The following ANAPC5 variants were observed in gnomAD, a reference collection of about 807,000 sequenced individuals.
ANAPC5 encodes anaphase promoting complex subunit 5, also known as anaphase-promoting complex subunit 5.
A neutral mutation model predicts 91.3 loss-of-function variants in ANAPC5; 60 were observed. The ratio of observed to expected loss-of-function variants is 0.66; its 90% CI spans 0.53 to 0.81. ANAPC5 has a LOEUF of 0.81. Among genes scored for constraint, ANAPC5 ranks in the 40% least tolerant of loss-of-function variants. ANAPC5 has a pLI of 0.00. For synonymous variants in ANAPC5, 340 were observed against 364.1 expected (o/e 0.93, Z 0.75); for missense variants, 690 against 931.5 (o/e 0.74, Z 3.37).
At chr12:121,340,360 A>G (rs1903400340) in intron 5 of ANAPC5, among the ~76,000 whole-genome samples, 1 of 151,396 alleles carries the variant, frequency 6.6e-6, no homozygotes, top group Non-Finnish European at 1.5e-5. Context: ...ATTCTAGCCT[A>G]ATTATCTAAC....
intron 15 of ANAPC5, chr12:121,310,482 G>A (rs1902119147): frequency 6.6e-6 from 1 of 152,318 alleles, no homozygotes; most frequent in Non-Finnish European, 1.5e-5. Context: ...AGAATCACTT[G>A]AGCCCAGGAG....
At chr12:121,338,950 CATTAT>C (rs1324695111) in intron 5 of ANAPC5, among the ~76,000 whole-genome samples, 2 of 151,236 alleles carry the variant, frequency 1.3e-5, no homozygotes, top group African/African-American at 2.4e-5. Context: ...TGTATATACA[CATTAT>C]ATTTTTAACA....
Position 121,318,593 on chromosome 12 carries a change from T to C in ANAPC5, c.1653A>G (p.Leu551=). ...CCTCTGACATTTGGTTCTGAGCTTG[T>C]AATACAACCGCTTTCCTGAAACAGA... ...IEGVYRKAVV[L]QAQNQMSEAH... Residue 551 remains leucine (L), a synonymous_variant, in exon 14 of 17, where the codon TTA becomes TTG. Coordinates refer to ENST00000261819, the MANE Select transcript of ANAPC5 (RefSeq NM_016237.5). 1 of 1,614,052 alleles carries C rather than the reference T, an allele frequency of 6.2e-7. No individual in the cohort carries two copies. The highest frequency in any genetic ancestry group is 8.5e-7 in the Non-Finnish European group (1 of 1,179,918).
intron 11 of ANAPC5, 145 bp from the exon 12 acceptor site, chr12:121,320,604 T>C (rs1019564324): frequency 2.0e-5 from 12 of 588,394 alleles, no homozygotes; most frequent in African/African-American, 1.1e-4. Flanking sequence ...AAATTTCTTT[T>C]CTTTCTTTTT....
At chr12:121,340,722 T>G (rs782339756) in intron 5 of ANAPC5, among the ~76,000 whole-genome samples, 4 of 82,430 alleles carry the variant, frequency 4.9e-5, no homozygotes, top group Non-Finnish European at 1.5e-4. Flanking sequence ...CCGGCTAATT[T>G]TTGTGTGTGT....
At chr12:121,330,489 TA>T in intron 9 of ANAPC5, 93 bp downstream of exon 9, 1 of 1,006,278 alleles carries the variant, frequency 9.9e-7, no homozygotes, top group Non-Finnish European at 1.5e-6. Flanking sequence ...AAACCCATTC[TA>T]AATCTATCGC....
intron 15 of ANAPC5, among the ~76,000 whole-genome samples, chr12:121,315,051 G>A (rs188589078): frequency 3.8e-4 from 58 of 152,000 alleles, no homozygotes; most frequent in African/African-American, 1.0e-3. Context: ...ATTTGCAGAT[G>A]ACATGATCTT....
chr12:121,322,688 T>A (rs778163858), intron 11 of ANAPC5, among the ~76,000 whole-genome samples: 4 of 152,204 alleles, frequency 2.6e-5, no homozygotes, highest in Non-Finnish European at 5.9e-5. Context: ...TCTTGGTGCA[T>A]AGAGCTTTGC....
chr12:121,339,529 G>A (rs1555273854), intron 5 of ANAPC5, among the ~76,000 whole-genome samples: 1 of 152,150 alleles, frequency 6.6e-6, no homozygotes, highest in African/African-American at 2.4e-5. Flanking sequence ...GAAGTACAGT[G>A]GCGAAATCTT....
rs577823573 is a variant in ANAPC5 at position 121,342,837 on chromosome 12, G to A, written c.591-768C>T. 3.3e-5 allele frequency among the ~76,000 whole-genome samples: 5 copies of A among 152,172 alleles called. No individual in the cohort carries two copies. Among genetic ancestry groups the A allele is most frequent in the Middle Eastern group, 3.4e-3 (1 of 294 alleles). ...TCACGCCACTGCACTCCAGCCTGGC[G>A]GCAGAGCGAGACTTCATCTCAAAAA... On this transcript the variant is annotated intron_variant, in intron 4 of 16. Transcript: ENST00000261819. The surrounding 1 kb of genome is among the most constrained non-coding windows in gnomAD (Gnocchi z 4.1).
intron 8 of ANAPC5, 29 bp from the exon 9 acceptor site, chr12:121,330,701 A>G (rs1566188323): frequency 6.3e-7 from 1 of 1,581,866 alleles, no homozygotes. Flanking sequence ...AAAATATATC[A>G]TAACAGTGGC....
At chr12:121,318,710 C>G (rs911877448) in intron 13 of ANAPC5, 102 bp from the exon 14 acceptor site, 1 of 1,075,542 alleles carries the variant, frequency 9.3e-7, no homozygotes, top group Non-Finnish European at 1.4e-6. Context: ...AGGGAAAAAA[C>G]TGTGCCTGAT....
At chr12:121,327,004 A>G in intron 11 of ANAPC5, 92 bp downstream of exon 11, 1 of 1,469,524 alleles carries the variant, frequency 6.8e-7, no homozygotes, top group Non-Finnish European at 9.0e-7. Context: ...GAACTGTCCA[A>G]CACGTGTCCA....
At chr12:121,323,751 G>A (rs1902706855) in intron 11 of ANAPC5, among the ~76,000 whole-genome samples, 1 of 152,126 alleles carries the variant, frequency 6.6e-6, no homozygotes, top group East Asian at 1.9e-4. Flanking sequence ...TATTTGAAGT[G>A]AATAAGCAGA....
At chr12:121,329,747 C>T (rs1409988717) in intron 9 of ANAPC5, among the ~76,000 whole-genome samples, 1 of 151,986 alleles carries the variant, frequency 6.6e-6, no homozygotes, top group Non-Finnish European at 1.5e-5. Context: ...TCCTAAGTAG[C>T]TGGGATCACA....
chr12:121,336,451 G>A (rs1389280103), intron 6 of ANAPC5, among the ~76,000 whole-genome samples: 1 of 152,152 alleles, frequency 6.6e-6, no homozygotes, highest in Non-Finnish European at 1.5e-5. Context: ...GCCGAGGAGG[G>A]TGGATCACCT....
Position 121,308,406 on chromosome 12 carries a change from T to G in ANAPC5, c.*74A>C, listed in dbSNP as rs1171691721. The stretch of plus-strand genomic sequence containing the variant: ...AGATAGGGTGTCACAAATACATCAT[T>G]TATAGGGAGAGAGGGGACATGAACA... On this transcript the variant is annotated 3_prime_UTR_variant, in exon 17 of 17. Coordinates refer to ENST00000261819, the MANE Select transcript of ANAPC5 (RefSeq NM_016237.5). 11 of 1,209,468 alleles carry G rather than the reference T, an allele frequency of 9.1e-6. No homozygotes were observed. Among genetic ancestry groups the G allele is most frequent in the Admixed American group, 9.1e-5 (5 of 55,004 alleles). The allele number at this position is 1,209,468 out of a possible 1,614,324, so 74.9% of individuals were successfully genotyped here.
intron 5 of ANAPC5, among the ~76,000 whole-genome samples, chr12:121,337,786 A>AC (rs1319931515): frequency 2.0e-5 from 3 of 150,950 alleles, no homozygotes; most frequent in Admixed American, 1.3e-4. Flanking sequence ...CTCTGCACTT[A>AC]CCCCCCCTGT....
In ANAPC5 at chr12:121,308,379, C is replaced by T; in HGVS notation, c.*101G>A. ...AACTAATCAGAATGCTGTTTATTGA[C>T]AAGATAGGGTGTCACAAATACATCA... On this transcript the variant is annotated 3_prime_UTR_variant, in exon 17 of 17. Transcript: ENST00000261819. 1.1e-6 allele frequency: 1 copy of T among 893,766 alleles called. No homozygotes were observed. Among genetic ancestry groups the T allele is most frequent in the Non-Finnish European group, 1.7e-6 (1 of 571,428 alleles). The allele number at this position is 893,766 out of a possible 1,614,324, so 55.4% of individuals were successfully genotyped here.
Sources: allele counts gnomAD v4.1 joint callset (sites outside exome capture counted in the v4.1 genomes callset), GRCh38; gene constraint gnomAD v4.1.1; non-coding constraint Gnocchi (gnomAD v3.1); transcripts MANE v1.5; gene names NCBI Gene and HGNC (gene_info 2026-07-23, HGNC 2026-07-21).